HECTD2: variants seen among roughly 807,000 people sequenced by gnomAD.
HECTD2 encodes the protein HECT domain E3 ubiquitin protein ligase 2.
In HECTD2, 35 loss-of-function variants were observed where a neutral mutation model predicts 103.2. The ratio of observed to expected loss-of-function variants is 0.34; its 90% confidence interval spans 0.26 to 0.45. HECTD2 has a LOEUF of 0.45. Ranked by LOEUF, HECTD2 falls within the 20% of genes least tolerant of loss-of-function variation. The pLI, the probability that HECTD2 is intolerant of heterozygous loss-of-function variation, is 1.00. For synonymous variants in HECTD2, 281 were observed against 329.9 expected (o/e 0.85, Z 1.61); for missense variants, 596 against 937.4 (o/e 0.64, Z 4.76).
intron 5 of HECTD2, among the ~76,000 whole-genome samples, chr10:91,474,846 G>C (rs2133253324): frequency 6.6e-6 from 1 of 152,286 alleles, no homozygotes; most frequent in Non-Finnish European, 1.5e-5. Context: ...TTTTAGCTAG[G>C]AAGCTCAGGG....
chr10:91,426,689 ATC>A (rs964229181), intron 2 of HECTD2, among the ~76,000 whole-genome samples: 1 of 151,212 alleles, frequency 6.6e-6, no homozygotes, highest in Non-Finnish European at 1.5e-5. Flanking sequence ...TAATATCTTC[ATC>A]TCTGAAGTCA....
chr10:91,504,681 G>T (rs1348160804), intron 20 of HECTD2, among the ~76,000 whole-genome samples: 1 of 151,652 alleles, frequency 6.6e-6, no homozygotes, highest in Non-Finnish European at 1.5e-5. Context: ...GGGGAGAATG[G>T]AACCAAGTTG....
intron 2 of HECTD2, among the ~76,000 whole-genome samples, chr10:91,458,121 A>C (rs1342524528): frequency 6.6e-6 from 1 of 151,878 alleles, no homozygotes; most frequent in Non-Finnish European, 1.5e-5. Context: ...ACATACAAAA[A>C]TCAGTTATAT....
chr10:91,455,790 T>C (rs1281806019), intron 2 of HECTD2, among the ~76,000 whole-genome samples: 1 of 152,226 alleles, frequency 6.6e-6, no homozygotes, highest in Non-Finnish European at 1.5e-5. Context: ...TTTCTACATA[T>C]GGCTAGCCAG....
chr10:91,426,973 T>C (rs1344089964), intron 2 of HECTD2, among the ~76,000 whole-genome samples: 3 of 147,810 alleles, frequency 2.0e-5, no homozygotes, highest in Admixed American at 6.7e-5. Flanking sequence ...TAGCATTAGG[T>C]GTATCTCCTA....
Position 91,461,343 on chromosome 10 carries a change from A to G in HECTD2, c.497A>G (p.Asn166Ser). 1 of 1,485,694 alleles carries G rather than the reference A, an allele frequency of 6.7e-7. No individual in the cohort carries two copies. 92.0% of individuals were successfully genotyped at this position (1,485,694 alleles called of 1,614,324 possible). A position where few individuals can be genotyped will look rare whatever the true frequency, so the allele number is the denominator to read the frequency against. The change falls in exon 4 of 21, where the codon AAT becomes AGT. Residue 166 changes from asparagine to serine, a missense_variant. By Grantham distance (46) the Asn-to-Ser change is conservative. Coordinates refer to ENST00000298068, the MANE Select transcript of HECTD2 (RefSeq NM_182765.6). ...ACGTTTGATTCTTTCCCAGAATTAA[A>G]TGCTGCATTTAAGGTAATTATACAT... Reference protein sequence around the residue: ...LTTFDSFPELNAAFKKDATAS... With the variant: ...LTTFDSFPELSAAFKKDATAS...
At chr10:91,477,493 A>G (rs1054905058) in intron 5 of HECTD2, among the ~76,000 whole-genome samples, 2 of 152,042 alleles carry the variant, frequency 1.3e-5, no homozygotes, top group African/African-American at 4.8e-5. Context: ...GAGCAGGGAT[A>G]CTCTCTGGGT....
At chr10:91,511,549 C>G (rs1272856559) in intron 20 of HECTD2, among the ~76,000 whole-genome samples, 1 of 152,004 alleles carries the variant, frequency 6.6e-6, no homozygotes, top group Non-Finnish European at 1.5e-5. Flanking sequence ...TTCCACAGAA[C>G]CAGGGAGGAG....
chr10:91,490,980 TG>T (rs1299618307), intron 11 of HECTD2, among the ~76,000 whole-genome samples: 1 of 151,774 alleles, frequency 6.6e-6, no homozygotes, highest in Non-Finnish European at 1.5e-5. Flanking sequence ...GAATTATTTT[TG>T]GTCCTCCACT....
intron 20 of HECTD2, among the ~76,000 whole-genome samples, chr10:91,504,010 G>A (rs568079234): frequency 1.1e-4 from 17 of 152,304 alleles, no homozygotes; most frequent in South Asian, 1.0e-3. Flanking sequence ...CCCTCCAGCA[G>A]GGGCACACTG....
At chr10:91,440,429 A>G (rs1351588577) in intron 2 of HECTD2, among the ~76,000 whole-genome samples, 2 of 152,178 alleles carry the variant, frequency 1.3e-5, no homozygotes, top group Non-Finnish European at 2.9e-5. Flanking sequence ...GATGAAGCCA[A>G]CTTGATTGTG....
intron 5 of HECTD2, among the ~76,000 whole-genome samples, chr10:91,475,892 T>C (rs1261301818): frequency 6.6e-6 from 1 of 152,172 alleles, no homozygotes; most frequent in Non-Finnish European, 1.5e-5. Context: ...AGCCGACCCA[T>C]GACAACCATC....
At chr10:91,462,272 TA>T in intron 5 of HECTD2, 88 bp downstream of exon 5, 2 of 1,331,768 alleles carry the variant, frequency 1.5e-6, no homozygotes, top group African/African-American at 1.5e-5. Flanking sequence ...AATCACCTTA[TA>T]ATTACCTTAG....
At position 91,410,421 on chromosome 10, in the gene HECTD2, C is replaced by CCCGCCG; in HGVS notation, c.-15_-10dup. On this transcript the variant is annotated 5_prime_UTR_variant, in exon 1 of 21. Coordinates refer to ENST00000298068, the MANE Select transcript of HECTD2 (RefSeq NM_182765.6). Reference sequence around the variant, plus strand: ...GAGGCCGCCGCCGCCGCCTGGCGCTCCCGCCGCCCGGCCCGACATGAGTGA... The same window carrying CCCGCCG: ...GAGGCCGCCGCCGCCGCCTGGCGCTCCCGCCGCCGCCGCCCGGCCCGACATGAGTGA... 1.5e-6 allele frequency: 2 copies of CCCGCCG among 1,372,266 alleles called. No homozygotes were observed. Among genetic ancestry groups the CCCGCCG allele is most frequent in the Non-Finnish European group, 1.9e-6 (2 of 1,065,956 alleles). The allele number at this position is 1,372,266 out of a possible 1,614,324, so 85.0% of individuals were successfully genotyped here.
upstream of HECTD2, among the ~76,000 whole-genome samples, chr10:91,410,035 G>A (rs1842846194): frequency 6.6e-6 from 1 of 152,156 alleles, no homozygotes; most frequent in African/African-American, 2.4e-5. Context: ...CTCCTGCGCG[G>A]CCCGGGTGCG....
intron 1 of HECTD2, among the ~76,000 whole-genome samples, chr10:91,424,610 GATTA>G (rs1298583021): frequency 6.6e-6 from 1 of 152,048 alleles, no homozygotes; most frequent in Non-Finnish European, 1.5e-5. Context: ...ACAAAATACT[GATTA>G]ATTAAATAAG....
In HECTD2 at chr10:91,514,153, T is replaced by A. The variant is rs1371212700; in HGVS notation, c.*1769T>A. 1 of 152,606 alleles carries A rather than the reference T, an allele frequency of 6.6e-6. No individual in the cohort carries two copies. Among genetic ancestry groups the A allele is most frequent in the Non-Finnish European group, 1.5e-5 (1 of 68,040 alleles). 9.5% of individuals were successfully genotyped at this position (152,606 alleles called of 1,614,324 possible). ...AAAGAAACATGTATAAGAAACCAGA[T>A]TTAAGTGTTTTAAATAAAATGTAAA... is the stretch of plus-strand genomic sequence containing the variant. On this transcript the variant is annotated 3_prime_UTR_variant, in exon 21 of 21. Transcript: ENST00000298068.
At chr10:91,460,796 T>A (rs1156837111) in intron 3 of HECTD2, among the ~76,000 whole-genome samples, 1 of 152,142 alleles carries the variant, frequency 6.6e-6, no homozygotes, top group Non-Finnish European at 1.5e-5. Flanking sequence ...TAAGAGTCTG[T>A]GAGTCAAAAC....
intron 2 of HECTD2, among the ~76,000 whole-genome samples, chr10:91,431,824 A>T (rs532379948): frequency 6.6e-6 from 1 of 151,936 alleles, no homozygotes; most frequent in Non-Finnish European, 1.5e-5. Flanking sequence ...CTTTGGTTTG[A>T]ATTTCCTCCT....
Sources: allele counts gnomAD v4.1 joint callset (sites outside exome capture counted in the v4.1 genomes callset), GRCh38; gene constraint gnomAD v4.1.1; transcripts MANE v1.5; gene names NCBI Gene and HGNC (gene_info 2026-07-23, HGNC 2026-07-21).